Variants in ATP10A observed in about 807,000 individuals in gnomAD.
The protein encoded by ATP10A is phospholipid-transporting ATPase VA.
Under a neutral mutation model 147.8 loss-of-function variants are expected in ATP10A, and 111 were observed. That is an observed-to-expected ratio of 0.75 (90% CI 0.64 to 0.88). ATP10A has a LOEUF of 0.88. ATP10A is among the 40% of genes least tolerant of loss of function. The pLI is 0.00. For missense variants in ATP10A, 1,927 were observed against 1,959.0 expected (o/e 0.98, Z 0.31); for synonymous variants, 875 against 841.6 (o/e 1.04, Z -0.69).
chr15:25,860,076 C>A (rs1174596760), intron 1 of ATP10A, among the ~76,000 whole-genome samples: 1 of 152,172 alleles, frequency 6.6e-6, no homozygotes, highest in Non-Finnish European at 1.5e-5. Context: ...CAGACCTTGG[C>A]CTGACACAGA....
At chr15:25,687,525 C>G (rs1899758703) in intron 16 of ATP10A, among the ~76,000 whole-genome samples, 178 bp downstream of exon 16, 1 of 151,842 alleles carries the variant, frequency 6.6e-6, no homozygotes, top group South Asian at 2.1e-4. Flanking sequence ...GAATTAGACT[C>G]TGAGCCTACA....
In ATP10A at chr15:25,683,345, C is replaced by T. The variant is rs763010616; in HGVS notation, c.3433G>A (p.Val1145Met). 4 of 1,614,128 alleles carry T rather than the reference C, an allele frequency of 2.5e-6. No homozygotes were observed. The highest frequency in any genetic ancestry group is 3.4e-6 in the Non-Finnish European group (4 of 1,180,028). The change falls in exon 17 of 21, where the codon GTG (valine) becomes ATG (methionine). Residue 1145 changes from valine to methionine, a missense_variant. Physicochemically the swap from Val to Met is conservative, Grantham distance 21. Transcript: ENST00000555815. ...TTGGTCAGCAGCACATTGGCTGGCA[C>T]ATCCCTGTCCAGCACCCCAGTCACG... ...PLVTGVLDRD[V>M]PANVLLTNPQ...
At position 25,726,041 on chromosome 15, in the gene ATP10A, A is replaced by T; in HGVS notation, c.889T>A (p.Tyr297Asn). The T allele has an allele frequency of 6.2e-7, 1 of 1,614,096 alleles. No homozygotes were observed. The highest frequency in any genetic ancestry group is 1.1e-5 in the South Asian group (1 of 91,084). Residue 297 changes from tyrosine (Y) to asparagine (N), a missense_variant, in exon 5 of 21, where the codon TAC becomes AAC. Tyr to Asn is a moderately radical substitution (Grantham distance 143). Coordinates refer to ENST00000555815, the MANE Select transcript of ATP10A (RefSeq NM_024490.4). ...TGCCTCTCCAGCTTGCTGCGCTTGT[A>T]GCGGGGCCCACTGTTGTTCAGCAGA... is the stretch of plus-strand genomic sequence containing the variant. ...KALLNNSGPRYKRSKLERQMN... is the reference protein window; with the variant it reads ...KALLNNSGPRNKRSKLERQMN...
intron 2 of ATP10A, among the ~76,000 whole-genome samples, chr15:25,754,581 A>C (rs1485022734): frequency 2.6e-5 from 4 of 152,160 alleles, no homozygotes; most frequent in Admixed American, 6.5e-5. Flanking sequence ...GTCAGACAGA[A>C]AATGGAAAAT....
chr15:25,858,619 G>A (rs992657915), intron 1 of ATP10A, among the ~76,000 whole-genome samples: 14 of 152,264 alleles, frequency 9.2e-5, no homozygotes, highest in African/African-American at 3.4e-4. Context: ...GGAAAATGGA[G>A]CGAAAATCAA....
chr15:25,779,078 T>A (rs966697863), intron 2 of ATP10A, among the ~76,000 whole-genome samples: 3 of 151,964 alleles, frequency 2.0e-5, no homozygotes, highest in Non-Finnish European at 2.9e-5. Flanking sequence ...GGTTTCACCA[T>A]GTTGGCCAGG....
At chr15:25,789,064 T>A (rs1890295362) in intron 1 of ATP10A, among the ~76,000 whole-genome samples, 1 of 152,072 alleles carries the variant, frequency 6.6e-6, no homozygotes, top group Non-Finnish European at 1.5e-5. Context: ...GCTGAAGGGA[T>A]CCTCCCTCCT....
chr15:25,808,135 G>C (rs1387306386), intron 1 of ATP10A, among the ~76,000 whole-genome samples: 2 of 152,242 alleles, frequency 1.3e-5, no homozygotes. Flanking sequence ...TATGAAAACA[G>C]CATTGCCATG....
rs750632361 is a variant in ATP10A at position 25,724,031 on chromosome 15, T to C, written c.980-10A>G. ...ATCCACAGTCCATGTCCTGTAGTAA[T>C]GTTCAAAGAGAAATGTCATTCATCC... On this transcript the variant is annotated splice_polypyrimidine_tract_variant and intron_variant, in intron 5 of 20. Coordinates refer to ENST00000555815, the MANE Select transcript of ATP10A (RefSeq NM_024490.4). 5.9e-6 allele frequency: 9 copies of C among 1,527,444 alleles called. No homozygotes were observed. In the South Asian group the frequency reaches 7.8e-5, roughly 13 times the overall value. 94.6% of individuals were successfully genotyped at this position (1,527,444 alleles called of 1,614,324 possible). A position where few individuals can be genotyped will look rare whatever the true frequency, so the allele number is the denominator to read the frequency against.
At chr15:25,700,717 T>A (rs1900610904) in intron 13 of ATP10A, among the ~76,000 whole-genome samples, 1 of 152,138 alleles carries the variant, frequency 6.6e-6, no homozygotes, top group Admixed American at 6.5e-5. Flanking sequence ...GCAGACTTTC[T>A]GGGGATGATG....
intron 2 of ATP10A, among the ~76,000 whole-genome samples, chr15:25,741,483 C>T (rs1355868220): frequency 6.6e-6 from 1 of 152,202 alleles, no homozygotes; most frequent in Non-Finnish European, 1.5e-5. Context: ...GGCTCCTTAG[C>T]TCCTTACTTA....
At chr15:25,840,132 T>C (rs1596983899) in intron 1 of ATP10A, among the ~76,000 whole-genome samples, 2 of 152,060 alleles carry the variant, frequency 1.3e-5, no homozygotes, top group African/African-American at 4.8e-5. Context: ...GTTCTATAAA[T>C]GGGATCACGC....
chr15:25,802,227 G>A (rs1187047222), intron 1 of ATP10A, among the ~76,000 whole-genome samples: 1 of 152,232 alleles, frequency 6.6e-6, no homozygotes, highest in Non-Finnish European at 1.5e-5. Context: ...CTGCGCCGCA[G>A]CACAGACCGA....
chr15:25,787,602 A>G (rs1890227015), intron 1 of ATP10A, among the ~76,000 whole-genome samples: 1 of 129,760 alleles, frequency 7.7e-6, no homozygotes. Context: ...ACAGGGCAGG[A>G]CTCCTTCTTA....
At chr15:25,719,516 G>C (rs1001969327) in intron 7 of ATP10A, among the ~76,000 whole-genome samples, 2 of 152,212 alleles carry the variant, frequency 1.3e-5, no homozygotes, top group Admixed American at 1.3e-4. Context: ...TCCAGCATGA[G>C]GTGAGGGGCT....
At position 25,679,474 on chromosome 15, in the gene ATP10A, A is replaced by G. The variant is rs1288469099; in HGVS notation, c.4367T>C (p.Phe1456Ser). 1 of 1,613,904 alleles carries G rather than the reference A, an allele frequency of 6.2e-7. No homozygotes were observed. Among genetic ancestry groups the G allele is most frequent in the Non-Finnish European group, 8.5e-7 (1 of 1,179,956 alleles). ...LVSRLGSVLQ[F>S]SRTEQLADGQ... ...ATCTGCAAGCTGCTCCGTCCGGGAG[A>G]ACTGTAAGACACTCCCCAGCCTGCT... Residue 1456 changes from phenylalanine to serine, a missense_variant, in exon 21 of 21, where the codon TTC (phenylalanine) becomes TCC (serine). By Grantham distance (155) the Phe-to-Ser change is radical. Coordinates refer to ENST00000555815, the MANE Select transcript of ATP10A (RefSeq NM_024490.4).
chr15:25,690,227 T>C (rs1466159852), intron 15 of ATP10A, among the ~76,000 whole-genome samples: 2 of 122,248 alleles, frequency 1.6e-5, no homozygotes, highest in East Asian at 4.9e-4. Flanking sequence ...CCTTAATTTT[T>C]TTTCCTTTTT....
At chr15:25,862,466 G>T (rs1381631793) in intron 1 of ATP10A, 182 bp downstream of exon 1, 2 of 753,078 alleles carry the variant, frequency 2.7e-6, no homozygotes, top group Non-Finnish European at 4.3e-6. Flanking sequence ...CGGAGGCACA[G>T]AGAGGCCTTG....
intron 10 of ATP10A, 173 bp from the exon 11 acceptor site, chr15:25,708,473 T>TATGCAA (rs11281610): frequency 1 from 599,138 of 600,210 alleles, 299,045 homozygotes; most frequent in East Asian, 1. Flanking sequence ...GTCTCATCAA[T>TATGCAA]ATGTTTGACT....
Sources: allele counts gnomAD v4.1 joint callset (sites outside exome capture counted in the v4.1 genomes callset), GRCh38; gene constraint gnomAD v4.1.1; transcripts MANE v1.5; gene names NCBI Gene and HGNC (gene_info 2026-07-23, HGNC 2026-07-21).